Variants in RAD17 observed in about 807,000 individuals in gnomAD.
The protein encoded by RAD17 is RAD17 checkpoint clamp loader component.
RAD17 carries 31 observed loss-of-function variants against 81.5 expected under a neutral mutation model. That is an observed-to-expected ratio of 0.38 (90% CI 0.29 to 0.51). The LOEUF (loss-of-function observed/expected upper bound fraction) is 0.51, where lower values mean the gene tolerates loss of function less well. Ranked by LOEUF, RAD17 falls within the 20% of genes least tolerant of loss-of-function variation. RAD17 has a pLI of 0.88. For missense variants in RAD17, 681 were observed against 781.2 expected, an observed-to-expected ratio of 0.87 and a Z score of 1.53; for synonymous variants, 261 against 266.2, an observed-to-expected ratio of 0.98 and a Z score of 0.19.
At chr5:69,377,712 G>GCATATATAT (rs1401258655) in intron 6 of RAD17, among the ~76,000 whole-genome samples, 2 of 37,034 alleles carry the variant, frequency 5.4e-5, no homozygotes, top group Admixed American at 3.5e-4. Context: ...TATATGTATT[G>GCATATATAT]GGAAAAGTAT....
chr5:69,405,892 A>G (rs1486963933), intron 17 of RAD17, among the ~76,000 whole-genome samples: 1 of 152,014 alleles, frequency 6.6e-6, no homozygotes, highest in Non-Finnish European at 1.5e-5. Context: ...AATATAAAAA[A>G]TTAGCCAGAT....
chr5:69,388,909 T>G, intron 11 of RAD17, 125 bp from the exon 12 acceptor site: 1 of 518,438 alleles, frequency 1.9e-6, no homozygotes, highest in Non-Finnish European at 3.2e-6. Flanking sequence ...TGCCCAGCCC[T>G]TTTTAGTATT....
intron 12 of RAD17, 73 bp from the exon 13 acceptor site, chr5:69,391,758 A>G (rs1401425368): frequency 5.3e-6 from 6 of 1,124,510 alleles, no homozygotes; most frequent in African/African-American, 3.3e-5. Context: ...TAGTGTAACT[A>G]TATCTGAAGT....
chr5:69,370,018 C>G (rs546138907), intron 1 of RAD17, 85 bp downstream of exon 1: 36 of 374,046 alleles, frequency 9.6e-5, no homozygotes, highest in African/African-American at 7.7e-4. Context: ...CCTGGGCTCT[C>G]GTCGCTCCTC....
At chr5:69,394,422 G>GT (rs1469044995) in intron 15 of RAD17, among the ~76,000 whole-genome samples, 1 of 152,006 alleles carries the variant, frequency 6.6e-6, no homozygotes, top group East Asian at 1.9e-4. Context: ...CCATTAAGAA[G>GT]TAGATACAAG....
intron 11 of RAD17, 35 bp downstream of exon 11, chr5:69,386,500 C>T (rs1161326467): frequency 5.9e-6 from 9 of 1,517,866 alleles, no homozygotes; most frequent in Non-Finnish European, 7.0e-6. Flanking sequence ...TACTCGATAA[C>T]TATAGAAAGC....
At chr5:69,382,145 T>C (rs1763898441) in intron 7 of RAD17, 88 bp downstream of exon 7, 6 of 1,413,820 alleles carry the variant, frequency 4.2e-6, no homozygotes, top group East Asian at 2.4e-5. Flanking sequence ...GTGCATTTTT[T>C]CCCATACTTC....
intron 11 of RAD17, 138 bp from the exon 12 acceptor site, chr5:69,388,896 C>T: frequency 2.1e-6 from 1 of 476,212 alleles, no homozygotes; most frequent in Non-Finnish European, 3.6e-6. Flanking sequence ...GAATGTGCCA[C>T]CGTGCCCAGC....
intron 17 of RAD17, among the ~76,000 whole-genome samples, chr5:69,404,290 A>G (rs996553647): frequency 6.6e-6 from 1 of 152,242 alleles, no homozygotes; most frequent in South Asian, 2.1e-4. Context: ...ACAGCAAAGG[A>G]AACAACAGAA....
At chr5:69,399,981 G>A in intron 16 of RAD17, 68 bp from the exon 17 acceptor site, 1 of 1,056,996 alleles carries the variant, frequency 9.5e-7, no homozygotes, top group Non-Finnish European at 1.3e-6. Flanking sequence ...AATAAACTTA[G>A]TTTGTCTAGG....
At position 69,414,038 on chromosome 5, in the gene RAD17, ATGGAAGCCC is replaced by A; in HGVS notation, c.1762_1770del (p.Glu588_Leu590del). The A allele has an allele frequency of 6.2e-7, 1 of 1,614,070 alleles. No homozygotes were observed. The highest frequency in any genetic ancestry group is 8.5e-7 in the Non-Finnish European group (1 of 1,179,980). On this transcript the variant is annotated inframe_deletion, in exon 19 of 19. Coordinates refer to ENST00000354868, the MANE Select transcript of RAD17 (RefSeq NM_133338.3). ...GCACTGTGAATCTGACAGATTGAAAATGGAAGCCCTGACTGACAGGGAACATGGAATGAT... is the reference window on the plus strand; with the variant it reads ...GCACTGTGAATCTGACAGATTGAAAATGACTGACAGGGAACATGGAATGAT...
intron 11 of RAD17, 80 bp downstream of exon 11, chr5:69,386,545 GTTATT>G: frequency 1.5e-6 from 2 of 1,326,420 alleles, no homozygotes; most frequent in Non-Finnish European, 1.9e-6. Context: ...CTGAAGGAGT[GTTATT>G]TTAATTTTTT....
intron 6 of RAD17, among the ~76,000 whole-genome samples, chr5:69,377,626 T>TATATATATGC (rs1554038797): frequency 7.6e-5 from 3 of 39,634 alleles, no homozygotes; most frequent in Non-Finnish European, 1.5e-4. Context: ...TATATATGCA[T>TATATATATGC]ATATATGTAT....
chr5:69,404,662 G>A (rs1035898743), intron 17 of RAD17, among the ~76,000 whole-genome samples: 13 of 152,040 alleles, frequency 8.6e-5, no homozygotes, highest in African/African-American at 1.2e-4. Context: ...CCAGCTACTC[G>A]GGAGGCTAAG....
At chr5:69,398,073 C>T (rs2561186) in intron 16 of RAD17, among the ~76,000 whole-genome samples, 51,875 of 151,408 alleles carry the variant, frequency 0.34, 10,423 homozygotes, top group Non-Finnish European at 0.46. Flanking sequence ...GCTGACATGG[C>T]GCCACTGCAC....
chr5:69,385,029 A>C, intron 8 of RAD17, 96 bp downstream of exon 8: 2 of 1,062,434 alleles, frequency 1.9e-6, no homozygotes. Context: ...GCGCGATCTC[A>C]GCTCATTGCA....
rs755758165 is a variant in RAD17 at position 69,400,018 on chromosome 5, CTTTCATCTTTTT to C, written c.1573-27_1573-16del. 4 of 1,443,394 alleles carry C rather than the reference CTTTCATCTTTTT, an allele frequency of 2.8e-6. No individual in the cohort carries two copies. The East Asian group carries it at 9.6e-5, about 35-fold the overall frequency. 89.4% of individuals were successfully genotyped at this position (1,443,394 alleles called of 1,614,324 possible). ...ATACATATTTTTAATTTCATTTTTC[CTTTCATCTTTTT>C]TTTTTCTTTTCTATACAGTATCGGG... On this transcript the variant is annotated intron_variant, in intron 16 of 18. Coordinates refer to ENST00000354868, the MANE Select transcript of RAD17 (RefSeq NM_133338.3).
At chr5:69,394,653 C>T (rs1764771354) in intron 15 of RAD17, among the ~76,000 whole-genome samples, 1 of 152,156 alleles carries the variant, frequency 6.6e-6, no homozygotes, top group African/African-American at 2.4e-5. Context: ...TTGATAACTG[C>T]ATGTGGCTGA....
At chr5:69,371,734 CCTT>C (rs1316980816) in intron 3 of RAD17, among the ~76,000 whole-genome samples, 177 bp downstream of exon 3, 2 of 152,028 alleles carry the variant, frequency 1.3e-5, no homozygotes, top group Non-Finnish European at 2.9e-5. Context: ...AAAAGCACAA[CCTT>C]AATTTTGAAA....
Sources: gnomAD v4.1 joint callset for allele counts (sites outside exome capture counted in the v4.1 genomes callset) on GRCh38, gnomAD v4.1.1 for gene constraint, MANE v1.5 for transcripts, NCBI Gene and HGNC (gene_info 2026-07-23, HGNC 2026-07-21) for gene names.